The following PRX variants were observed in gnomAD, a reference collection of about 807,000 sequenced individuals.
PRX encodes the protein periaxin.
A neutral mutation model predicts 29.6 loss-of-function variants in PRX; 24 were observed. The observed-to-expected ratio is 0.81, with a 90% CI of 0.59 to 1.14. The LOEUF (loss-of-function observed/expected upper bound fraction) is 1.14. Among genes scored for constraint, PRX ranks in the 50% most tolerant of loss-of-function variants. The pLI, the probability that PRX is intolerant of heterozygous loss-of-function variation, is 0.00. For synonymous variants in PRX, 772 were observed against 831.7 expected (o/e 0.93, Z 1.24); for missense variants, 1,838 against 1,926.4 (o/e 0.95, Z 0.86).
In PRX at chr19:40,398,828, G is replaced by A; in HGVS notation, c.185-12C>T. ...CAGCAGCTGGTCCCCTGCGGGCGAG[G>A]TGGAGGTGCGCAGCACGTGGGCATC... On this transcript the variant is annotated splice_polypyrimidine_tract_variant and intron_variant, in intron 5 of 6. Coordinates refer to ENST00000324001, the MANE Select transcript of PRX (RefSeq NM_181882.3). This position sits in a 1 kb window ranked among gnomAD's most constrained non-coding sequence, Gnocchi z 6.3. 1.2e-6 allele frequency: 2 copies of A among 1,613,942 alleles called. No individual in the cohort carries two copies. Among genetic ancestry groups the A allele is most frequent in the Non-Finnish European group, 1.7e-6 (2 of 1,179,946 alleles).
At chr19:40,411,757 A>G (rs2079559764) in intron 1 of PRX, among the ~76,000 whole-genome samples, 1 of 151,546 alleles carries the variant, frequency 6.6e-6, no homozygotes, top group African/African-American at 2.4e-5. Context: ...GGCAGGGGAA[A>G]GAGGGGTGGG....
chr19:40,400,875 C>T (rs1337986720), intron 5 of PRX, among the ~76,000 whole-genome samples: 1 of 152,146 alleles, frequency 6.6e-6, no homozygotes, highest in Non-Finnish European at 1.5e-5. Context: ...CATAAATCTG[C>T]TAACAATTCC....
chr19:40,394,272 T>TTCCTCC lies in PRX; in HGVS notation c.4074_4079dup (p.Glu1360_Glu1361dup), dbSNP rs139624657. ...CCGAGGCCCCTTCCCCACTGCCCTC[T>TTCCTCC]TCCTCCTCCTCCTCCTCCTCCTCGG... is the stretch of plus-strand genomic sequence containing the variant. On this transcript the variant is annotated inframe_insertion, in exon 7 of 7. Coordinates refer to ENST00000324001, the MANE Select transcript of PRX (RefSeq NM_181882.3). This position sits in a 1 kb window ranked among gnomAD's most constrained non-coding sequence, Gnocchi z 5.8. 4.4e-6 allele frequency: 7 copies of TTCCTCC among 1,605,030 alleles called. No individual in the cohort carries two copies. Among genetic ancestry groups the TTCCTCC allele is most frequent in the African/African-American group, 2.7e-5 (2 of 74,510 alleles).
chr19:40,400,430 T>C (rs73559620), intron 5 of PRX, among the ~76,000 whole-genome samples: 27,626 of 146,500 alleles, frequency 0.19, 4,354 homozygotes, highest in African/African-American at 0.43. Context: ...CTGTCTCTAC[T>C]AAAAATACAA....
chr19:40,396,335 T>C lies in PRX; in HGVS notation c.2017A>G (p.Met673Val), dbSNP rs61735531. The C allele has an allele frequency of 5.5e-3, 8,909 of 1,605,988 alleles. 449 individuals carry two copies. The African/African-American group carries it at 0.11, about 20-fold the overall frequency. Reference sequence around the variant, plus strand: ...GGGAGTCGAACCTCTGGCACAGCCATCTCAGGCATTTTAGGGAGTTTCATC... The same window carrying C: ...GGGAGTCGAACCTCTGGCACAGCCACCTCAGGCATTTTAGGGAGTTTCATC... ...PEMKLPKMPE[M>V]AVPEVRLPEV... Residue 673 changes from methionine (M) to valine (V), a missense_variant, in exon 7 of 7, where the codon ATG becomes GTG. This residue lies in a region of PRX where 1,143 missense variants were observed against 1,193.0 expected (regional missense o/e 0.96). Transcript: ENST00000324001.
chr19:40,399,897 TTCTTTCTTTTTCTTTCTTTC>T (rs2079480027), intron 5 of PRX, among the ~76,000 whole-genome samples: 3 of 65,320 alleles, frequency 4.6e-5, no homozygotes, highest in African/African-American at 4.2e-4. Flanking sequence ...CTTTCTTTCT[TTCTTTCTTTTTCTTTCTTTC>T]TTTCTTTCAC....
At chr19:40,411,594 G>A (rs946728970) in intron 1 of PRX, among the ~76,000 whole-genome samples, 10 of 151,958 alleles carry the variant, frequency 6.6e-5, no homozygotes, top group African/African-American at 1.2e-4. Context: ...CTCCTTCTTC[G>A]TCCCTGCCTG....
intron 4 of PRX, among the ~76,000 whole-genome samples, chr19:40,404,424 T>TGGGGGGGGGGGGGGGGGGGGGGG (rs71171571): frequency 1.5e-5 from 1 of 65,396 alleles, no homozygotes; most frequent in African/African-American, 5.2e-5. Flanking sequence ...AGGGCGGGGC[T>TGGGGGGGGGGGGGGGGGGGGGGG]GGGGGGGGTT....
rs201204029 is a variant in PRX at position 40,396,452 on chromosome 19, T to C, written c.1900A>G (p.Met634Val). ...PKVPEMKLPE[M>V]KLPEVKLPKV... ...GGGAGTTTCACCTCAGGGAGTTTCA[T>C]CTCAGGGAGCTTCATCTCTGGGACT... Residue 634 changes from methionine to valine, a missense_variant, in exon 7 of 7, where the codon ATG becomes GTG. Met to Val is a conservative substitution (Grantham distance 21, BLOSUM62 1). This residue lies in a region of PRX where 1,143 missense variants were observed against 1,193.0 expected (regional missense o/e 0.96). Coordinates refer to ENST00000324001, the MANE Select transcript of PRX (RefSeq NM_181882.3). 1 of 1,610,000 alleles carries C rather than the reference T, an allele frequency of 6.2e-7. No homozygotes were observed. Among genetic ancestry groups the C allele is most frequent in the South Asian group, 1.1e-5 (1 of 90,876 alleles).
Position 40,397,769 on chromosome 19 carries a change from C to G in PRX, c.583G>C (p.Val195Leu). The change falls in exon 7 of 7, where the codon GTA becomes CTA. Residue 195 changes from valine (V) to leucine (L), a missense_variant. This residue lies in a region of PRX where 666 missense variants were observed against 665.0 expected (regional missense o/e 1.00). Coordinates refer to ENST00000324001, the MANE Select transcript of PRX (RefSeq NM_181882.3). ...TGAGCCTCTTCGGCCACTTCTCGTA[C>G]ACGCAGCCGAGGCAGCTGGAGGCGC... ...RRRLQLPRLR[V>L]REVAEEAQAA... The G allele has an allele frequency of 6.4e-7, 1 of 1,567,750 alleles. No individual in the cohort carries two copies. The highest frequency in any genetic ancestry group is 8.6e-7 in the Non-Finnish European group (1 of 1,156,988).
intron 4 of PRX, among the ~76,000 whole-genome samples, chr19:40,404,733 G>C (rs931606639): frequency 3.9e-5 from 6 of 152,008 alleles, no homozygotes; most frequent in Admixed American, 3.9e-4. Context: ...ACCACGCCCA[G>C]CTAATTTTTA....
At position 40,397,636 on chromosome 19, in the gene PRX, G is replaced by A. The variant is rs528907584; in HGVS notation, c.716C>T (p.Pro239Leu). The A allele has an allele frequency of 2.1e-5, 33 of 1,544,334 alleles. No individual in the cohort carries two copies. In the East Asian group the frequency reaches 2.6e-4, roughly 12 times the overall value. ...FTAPQVELVG[P>L]RLPGAEVGVP... is the part of the protein sequence containing the mutation. The stretch of plus-strand genomic sequence containing the variant: ...ACCCACCTCCGCCCCTGGCAGCCGC[G>A]GCCCAACCAGCTCCACCTGAGGGGC... The change falls in exon 7 of 7, where the codon CCG becomes CTG. Residue 239 changes from proline to leucine, a missense_variant. Pro to Leu is a moderately conservative substitution (Grantham distance 98). Around this residue, in one of 3 missense-constraint regions of PRX, gnomAD observed 666 missense variants for 665.0 expected, o/e 1.00. Transcript: ENST00000324001.
At chr19:40,404,120 C>G (rs1399366623) in intron 4 of PRX, among the ~76,000 whole-genome samples, 1 of 152,148 alleles carries the variant, frequency 6.6e-6, no homozygotes, top group Admixed American at 6.5e-5. Context: ...GGCTGTTCAG[C>G]GGGCCTTCAG....
At position 40,395,227 on chromosome 19, in the gene PRX, AC is replaced by A. The variant is rs2079420953; in HGVS notation, c.3124del (p.Val1042TrpfsTer15). The A allele has an allele frequency of 6.2e-7, 1 of 1,612,960 alleles. No homozygotes were observed. Among genetic ancestry groups the A allele is most frequent in the Admixed American group, 1.7e-5 (1 of 59,894 alleles). ...DTEAAELVPG[V>X]AELEGKGWGW... ...CCAGCCCTTGCCCTCCAACTCAGCCACCCCTGGCACTAGTTCTGCTGCCTCA... is the reference window on the plus strand; with the variant it reads ...CCAGCCCTTGCCCTCCAACTCAGCCACCCTGGCACTAGTTCTGCTGCCTCA... On this transcript the variant is annotated frameshift_variant, in exon 7 of 7. Coordinates refer to ENST00000324001, the MANE Select transcript of PRX (RefSeq NM_181882.3). LOFTEE classifies it low-confidence loss of function (END_TRUNC).
intron 1 of PRX, among the ~76,000 whole-genome samples, chr19:40,410,956 A>G (rs113574696): frequency 3.4e-4 from 52 of 152,374 alleles, no homozygotes; most frequent in African/African-American, 1.1e-3. Flanking sequence ...AGTGGTTAGT[A>G]TTAATATTAG....
chr19:40,398,864 G>T lies in PRX; in HGVS notation c.185-48C>A. 1 of 1,612,798 alleles carries T rather than the reference G, an allele frequency of 6.2e-7. No individual in the cohort carries two copies. The highest frequency in any genetic ancestry group is 1.1e-5 in the South Asian group (1 of 90,916). On this transcript the variant is annotated intron_variant, in intron 5 of 6. Transcript: ENST00000324001. This position sits in a 1 kb window ranked among gnomAD's most constrained non-coding sequence, Gnocchi z 6.3. Reference sequence around the variant, plus strand: ...CAGCACGTGGGCATCTCCCGGCTCCGCCCGGGCCTAGTTCTGCCCACTTGC... The same window carrying T: ...CAGCACGTGGGCATCTCCCGGCTCCTCCCGGGCCTAGTTCTGCCCACTTGC...
In PRX at chr19:40,405,217, A is replaced by G. The variant is rs555039924; in HGVS notation, c.28-1355T>C. ...GATTGGACCTGGCCCAGAAGCCACT[A>G]TGGGATTCACAATAGGGCTTCCCAG... On this transcript the variant is annotated intron_variant, in intron 4 of 6. Coordinates refer to ENST00000324001, the MANE Select transcript of PRX (RefSeq NM_181882.3). 1.8e-4 allele frequency among the ~76,000 whole-genome samples: 27 copies of G among 152,266 alleles called. No homozygotes were observed. In the South Asian group the frequency reaches 4.6e-3, roughly 26 times the overall value.
At chr19:40,406,496 T>C in intron 4 of PRX, among the ~76,000 whole-genome samples, 1 of 152,130 alleles carries the variant, frequency 6.6e-6, no homozygotes, top group South Asian at 2.1e-4. Flanking sequence ...CGGCTGGGCC[T>C]CAACCTTAGG....
rs1040753771 is a variant in PRX at position 40,398,785 on chromosome 19, G to A, written c.216C>T (p.Phe72=). The change falls in exon 6 of 7, where the codon TTC becomes TTT. Residue 72 remains phenylalanine, a synonymous_variant. Coordinates refer to ENST00000324001, the MANE Select transcript of PRX (RefSeq NM_181882.3). The surrounding 1 kb of genome is among the most constrained non-coding windows in gnomAD (Gnocchi z 6.3). ...GDQLLSARVF[F]ENFKYEDALR... ...GTGCGTCCTCGTACTTGAAGTTCTC[G>A]AAGAACACTCGGGCACTCAGCAGCT... 7 of 1,613,944 alleles carry A rather than the reference G, an allele frequency of 4.3e-6. No individual in the cohort carries two copies. In the African/African-American group the frequency reaches 5.3e-5, roughly 12 times the overall value.
Sources: allele counts gnomAD v4.1 joint callset (sites outside exome capture counted in the v4.1 genomes callset), GRCh38; gene constraint gnomAD v4.1.1; regional missense constraint gnomAD v4.1.1; non-coding constraint Gnocchi (gnomAD v3.1); transcripts MANE v1.5; gene names NCBI Gene and HGNC (gene_info 2026-07-23, HGNC 2026-07-21).